Variants in ZFC3H1 observed in about 807,000 individuals in gnomAD.
ZFC3H1 encodes the protein zinc finger C3H1-type containing.
A neutral mutation model predicts 243.7 loss-of-function variants in ZFC3H1; 71 were observed. That is an observed-to-expected ratio of 0.29 (90% confidence interval 0.24 to 0.36). ZFC3H1 has a LOEUF of 0.36. Among genes scored for constraint, ZFC3H1 ranks in the 10% least tolerant of loss-of-function variants. The pLI is 1.00. For missense variants in ZFC3H1, 1,966 were observed against 2,317.1 expected (o/e 0.85, Z 3.11); for synonymous variants, 838 against 813.0 (o/e 1.03, Z -0.52).
chr12:71,611,100 A>AAG lies in ZFC3H1; in HGVS notation c.5730-5_5730-4dup. ...GAACAATCTCAGCAGCAATGGCTCTAAGAGAAAAAAAAAAAAAAAGAAATA... is the reference window on the plus strand; with the variant it reads ...GAACAATCTCAGCAGCAATGGCTCTAAGAGAGAAAAAAAAAAAAAAAGAAATA... On this transcript the variant is annotated splice_polypyrimidine_tract_variant and splice_region_variant and intron_variant, in intron 32 of 34. Transcript: ENST00000378743. The AAG allele has an allele frequency of 6.6e-7, 1 of 1,506,144 alleles. No homozygotes were observed. The highest frequency in any genetic ancestry group is 1.3e-5 in the South Asian group (1 of 76,270). The allele number at this position is 1,506,144 out of a possible 1,614,324, so 93.3% of individuals were successfully genotyped here.
At chr12:71,624,079 A>G in intron 23 of ZFC3H1, 25 bp downstream of exon 23, 2 of 1,586,532 alleles carry the variant, frequency 1.3e-6, no homozygotes, top group South Asian at 2.3e-5. Context: ...GCAAAATGCA[A>G]TTAAATGCTG....
rs1592593862 is a variant in ZFC3H1, at chr12:71,635,324, T to A, written c.2238+119A>T. On this transcript the variant is annotated intron_variant, in intron 10 of 34. Coordinates refer to ENST00000378743, the MANE Select transcript of ZFC3H1 (RefSeq NM_144982.5). ...CCTAATAGCACAAATACTTAAAATA[T>A]TTCCACAAATCAATGTTATTAAAAA... The A allele has an allele frequency of 1.4e-5, 18 of 1,293,154 alleles. No individual in the cohort carries two copies. The East Asian group carries it at 5.1e-4, about 36-fold the overall frequency. 80.1% of individuals were successfully genotyped at this position (1,293,154 alleles called of 1,614,324 possible). A position where few individuals can be genotyped will look rare whatever the true frequency, so the allele number is the denominator to read the frequency against.
intron 1 of ZFC3H1, among the ~76,000 whole-genome samples, chr12:71,662,701 T>C (rs1424697489): frequency 1.3e-5 from 2 of 152,212 alleles, no homozygotes; most frequent in Non-Finnish European, 2.9e-5. Context: ...ACAAAGTTTC[T>C]GTACCAGCAA....
At chr12:71,619,241 G>A (rs2137519441) in intron 27 of ZFC3H1, 74 bp downstream of exon 27, 6 of 1,380,216 alleles carry the variant, frequency 4.3e-6, no homozygotes, top group Non-Finnish European at 6.0e-6. Context: ...CATCATATAA[G>A]AAAAAAACTG....
chr12:71,659,181 G>A (rs2137566162), intron 1 of ZFC3H1, among the ~76,000 whole-genome samples: 1 of 151,246 alleles, frequency 6.6e-6, no homozygotes. Context: ...ACCTACCACA[G>A]GAGAGTTTAC....
At chr12:71,613,655 A>C (rs2137512879) in intron 30 of ZFC3H1, 1 of 372,840 alleles carries the variant, frequency 2.7e-6, no homozygotes, top group South Asian at 5.6e-5. Flanking sequence ...CATGGGCAGA[A>C]CACTGACAAG....
intron 28 of ZFC3H1, 47 bp from the exon 29 acceptor site, chr12:71,614,985 C>G (rs761257895): frequency 1.4e-6 from 2 of 1,462,822 alleles, no homozygotes; most frequent in East Asian, 2.3e-5. Context: ...TCATTTCCAT[C>G]AGGTGAAGGA....
Position 71,663,679 on chromosome 12 carries a change from T to C in ZFC3H1, c.-69A>G. ...GGATCCGCCCGACAATTGCCTCGTT[T>C]CCCTTCTTTCCTAACGGACTGGGTC... On this transcript the variant is annotated 5_prime_UTR_variant, in exon 1 of 35. Transcript: ENST00000378743. 6 of 1,531,284 alleles carry C rather than the reference T, an allele frequency of 3.9e-6. No homozygotes were observed. The South Asian group carries it at 7.3e-5, about 19-fold the overall frequency. 94.9% of individuals were successfully genotyped at this position (1,531,284 alleles called of 1,614,324 possible). A position where few individuals can be genotyped will look rare whatever the true frequency, so the allele number is the denominator to read the frequency against.
Position 71,628,950 on chromosome 12 carries a change from T to G in ZFC3H1, c.3914A>C (p.Asp1305Ala). The G allele has an allele frequency of 6.2e-7, 1 of 1,612,138 alleles. No homozygotes were observed. Among genetic ancestry groups the G allele is most frequent in the Non-Finnish European group, 8.5e-7 (1 of 1,179,408 alleles). The change falls in exon 20 of 35, where the codon GAT becomes GCT. Residue 1305 changes from aspartate to alanine, a missense_variant. Asp to Ala is a moderately radical substitution (Grantham distance 126). This residue lies in a region of ZFC3H1 where 1,383 missense variants were observed against 1,723.7 expected (regional missense o/e 0.80). Transcript: ENST00000378743. ...AATTGGTCCTGTAGACTGTTCCTCA[T>G]CACTACTGAAGCTATTATCTGAAAT... ...KPISDNSFSS[D>A]EEQSTGPIKY... is the part of the protein sequence containing the mutation.
Position 71,634,826 on chromosome 12 carries a change from C to T in ZFC3H1, c.2239-1G>A. The T allele has an allele frequency of 6.7e-7, 1 of 1,497,194 alleles. No individual in the cohort carries two copies. The highest frequency in any genetic ancestry group is 8.9e-7 in the Non-Finnish European group (1 of 1,124,110). 92.7% of individuals were successfully genotyped at this position (1,497,194 alleles called of 1,614,324 possible). A position where few individuals can be genotyped will look rare whatever the true frequency, so the allele number is the denominator to read the frequency against. On this transcript the variant is annotated splice_acceptor_variant, in intron 10 of 34. Coordinates refer to ENST00000378743, the MANE Select transcript of ZFC3H1 (RefSeq NM_144982.5). LOFTEE classifies it high-confidence loss of function. Reference sequence around the variant, plus strand: ...GAGGTACTTTCGGTTTTGAAGCTTGCTAAAAAAAAAAAAACATTTGAAGTC... The same window carrying T: ...GAGGTACTTTCGGTTTTGAAGCTTGTTAAAAAAAAAAAAACATTTGAAGTC...
chr12:71,660,408 C>T (rs1346356417), intron 1 of ZFC3H1: 1 of 152,116 alleles, frequency 6.6e-6, no homozygotes, highest in African/African-American at 2.4e-5. Flanking sequence ...TCAAAACAAG[C>T]ATCCTTTTAA....
chr12:71,632,830 A>C, intron 14 of ZFC3H1, 56 bp downstream of exon 14: 1 of 1,592,554 alleles, frequency 6.3e-7, no homozygotes, highest in Non-Finnish European at 8.5e-7. Flanking sequence ...TACCCTTAAA[A>C]CTATCATAAA....
intron 27 of ZFC3H1, among the ~76,000 whole-genome samples, chr12:71,618,933 T>C (rs1879958272): frequency 1.3e-5 from 2 of 152,200 alleles, no homozygotes; most frequent in Non-Finnish European, 2.9e-5. Context: ...AGGCGTATTA[T>C]TTATAGTCAC....
chr12:71,656,908 G>A lies in ZFC3H1; in HGVS notation c.992C>T (p.Ser331Phe). The change falls in exon 2 of 35, where the codon TCC (serine) becomes TTC (phenylalanine). Residue 331 changes from serine (S) to phenylalanine (F), a missense_variant. This residue lies in a region of ZFC3H1 where 484 missense variants were observed against 449.7 expected (regional missense o/e 1.08). Coordinates refer to ENST00000378743, the MANE Select transcript of ZFC3H1 (RefSeq NM_144982.5). ...KDGAKPLSLK[S>F]DTTDSSQGLQ... The stretch of plus-strand genomic sequence containing the variant: ...ACCTTGACTAGAATCAGTAGTGTCG[G>A]ATTTCAGGGAAAGTGGTTTTGCTCC... The A allele has an allele frequency of 2.5e-6, 4 of 1,612,668 alleles. No homozygotes were observed. Among genetic ancestry groups the A allele is most frequent in the African/African-American group, 1.3e-5 (1 of 74,914 alleles).
At chr12:71,659,448 T>G (rs1881107400) in intron 1 of ZFC3H1, among the ~76,000 whole-genome samples, 1 of 152,186 alleles carries the variant, frequency 6.6e-6, no homozygotes, top group African/African-American at 2.4e-5. Context: ...CCAATTCAAG[T>G]GTCACCTCTG....
rs200291872 is a variant in ZFC3H1 at position 71,657,108 on chromosome 12, C to T, written c.792G>A (p.Leu264=). Residue 264 remains leucine (L), a synonymous_variant, in exon 2 of 35, where the codon TTG becomes TTA. Coordinates refer to ENST00000378743, the MANE Select transcript of ZFC3H1 (RefSeq NM_144982.5). ...CAGTGCTAGTTTGGTCCTCGAAGTT[C>T]AATGTTTTAGGATCTTCCTGCACAT... The part of the protein sequence containing the change: ...EENVQEDPKT[L]NFEDQTSTDN... 6.2e-7 allele frequency: 1 copy of T among 1,613,922 alleles called. No homozygotes were observed. Among genetic ancestry groups the T allele is most frequent in the East Asian group, 2.2e-5 (1 of 44,810 alleles).
chr12:71,631,038 A>G lies in ZFC3H1; in HGVS notation c.3471-84T>C, dbSNP rs1030573825. The G allele has an allele frequency of 3.6e-6, 5 of 1,375,918 alleles. No individual in the cohort carries two copies. In the African/African-American group the frequency reaches 7.3e-5, roughly 20 times the overall value. 85.2% of individuals were successfully genotyped at this position (1,375,918 alleles called of 1,614,324 possible). ...AGAAAACTTTAGTTTTTCTTTCTCA[A>G]GTTAAAATTTCCATGCTTACTATTT... On this transcript the variant is annotated intron_variant, in intron 16 of 34. Transcript: ENST00000378743.
rs748168953 is a variant in ZFC3H1 at position 71,658,752 on chromosome 12, A to G, written c.599-1451T>C. 7.2e-4 allele frequency among the ~76,000 whole-genome samples: 110 copies of G among 152,346 alleles called. 1 individual carries two copies. Among genetic ancestry groups the G allele is most frequent in the Non-Finnish European group, 1.2e-3 (82 of 68,028 alleles). On this transcript the variant is annotated intron_variant, in intron 1 of 34. Transcript: ENST00000378743. ...ATCATCTAAGAAACAAAAATAAGCA[A>G]TAAGTACATCTGAAAATCTTAACAG...
intron 6 of ZFC3H1, among the ~76,000 whole-genome samples, chr12:71,640,901 G>A: frequency 6.6e-6 from 1 of 151,260 alleles, no homozygotes; most frequent in Non-Finnish European, 1.5e-5. Context: ...AACTCTATAT[G>A]GAAAACATTC....
Sources: gnomAD v4.1 joint callset for allele counts (sites outside exome capture counted in the v4.1 genomes callset) on GRCh38, gnomAD v4.1.1 for gene constraint, gnomAD v4.1.1 regional missense constraint, MANE v1.5 for transcripts, NCBI Gene and HGNC (gene_info 2026-07-23, HGNC 2026-07-21) for gene names.